The following ADAMTSL3 variants were observed in gnomAD, a reference collection of about 807,000 sequenced individuals.
ADAMTSL3 encodes the protein ADAMTS like 3.
In ADAMTSL3, 128 loss-of-function variants were observed where a neutral mutation model predicts 201.7. That is an observed-to-expected ratio of 0.63 (90% CI 0.55 to 0.73). The LOEUF is 0.73. ADAMTSL3 is among the 30% of genes least tolerant of loss of function. The pLI is 0.00. For missense variants in ADAMTSL3, 1,990 were observed against 2,119.6 expected, an observed-to-expected ratio of 0.94 and a Z score of 1.20; for synonymous variants, 738 against 748.4, an observed-to-expected ratio of 0.99 and a Z score of 0.23.
At chr15:83,670,866 T>C (rs568268428) in intron 2 of ADAMTSL3, among the ~76,000 whole-genome samples, 1 of 152,292 alleles carries the variant, frequency 6.6e-6, no homozygotes, top group Non-Finnish European at 1.5e-5. Context: ...TTGCCAATGG[T>C]GTGCAGATAC....
intron 4 of ADAMTSL3, among the ~76,000 whole-genome samples, chr15:83,787,288 A>G (rs2141814290): frequency 6.6e-6 from 1 of 152,286 alleles, no homozygotes; most frequent in South Asian, 2.1e-4. Flanking sequence ...GGTGGCATAG[A>G]TGGTGTAATT....
At chr15:84,021,299 T>C (rs1349532491) in intron 25 of ADAMTSL3, 111 bp from the exon 26 acceptor site, 1 of 1,132,214 alleles carries the variant, frequency 8.8e-7, no homozygotes, top group Non-Finnish European at 1.3e-6. Context: ...TCTCTCCATA[T>C]GCTACTTAAA....
chr15:83,913,302 T>C lies in ADAMTSL3; in HGVS notation c.1911T>C (p.Pro637=). The part of the protein sequence containing the change: ...ESPASRELDI[P]LPEDSETTYD... Reference sequence around the variant, plus strand: ...CGGCCTCCCGAGAGCTAGACATCCCTCTCCCTGAGGACAGTGAGACGACTT... The same window carrying C: ...CGGCCTCCCGAGAGCTAGACATCCCCCTCCCTGAGGACAGTGAGACGACTT... Residue 637 remains proline, a synonymous_variant, in exon 16 of 30, where the codon CCT becomes CCC. Coordinates refer to ENST00000286744, the MANE Select transcript of ADAMTSL3 (RefSeq NM_207517.3). The C allele has an allele frequency of 6.2e-7, 1 of 1,613,894 alleles. No individual in the cohort carries two copies. The highest frequency in any genetic ancestry group is 8.5e-7 in the Non-Finnish European group (1 of 1,180,002).
chr15:83,982,800 G>C lies in ADAMTSL3; in HGVS notation c.3172G>C (p.Ala1058Pro). The change falls in exon 21 of 30, where the codon GCT (alanine) becomes CCT (proline). Residue 1058 changes from alanine to proline, a missense_variant. Physicochemically the swap from Ala to Pro is conservative, Grantham distance 27. Transcript: ENST00000286744. ...CATTAGTAACCAGCCTTTCTTGAGAGCTCTGTTAGGCCACTGCAGCAATTC... is the reference window on the plus strand; with the variant it reads ...CATTAGTAACCAGCCTTTCTTGAGACCTCTGTTAGGCCACTGCAGCAATTC... ...DHISNQPFLR[A>P]LLGHCSNSAG... The C allele has an allele frequency of 6.2e-7, 1 of 1,614,108 alleles. No homozygotes were observed. The highest frequency in any genetic ancestry group is 8.5e-7 in the Non-Finnish European group (1 of 1,180,030).
chr15:83,816,751 A>G (rs2063778032), intron 5 of ADAMTSL3, among the ~76,000 whole-genome samples: 1 of 152,206 alleles, frequency 6.6e-6, no homozygotes, highest in Non-Finnish European at 1.5e-5. Flanking sequence ...CATGCCTGTA[A>G]TCCCAGCACT....
intron 19 of ADAMTSL3, among the ~76,000 whole-genome samples, chr15:83,954,546 T>C (rs998743866): frequency 2.0e-5 from 3 of 152,208 alleles, no homozygotes; most frequent in African/African-American, 7.2e-5. Context: ...GTTCATTTGG[T>C]GAAGTCATGT....
chr15:83,987,190 A>G (rs963184880), intron 21 of ADAMTSL3, among the ~76,000 whole-genome samples: 1 of 152,232 alleles, frequency 6.6e-6, no homozygotes, highest in Admixed American at 6.5e-5. Context: ...TCAGGATTTG[A>G]CACTGAAAAT....
At chr15:83,828,733 T>G (rs1335557956) in intron 6 of ADAMTSL3, among the ~76,000 whole-genome samples, 1 of 152,208 alleles carries the variant, frequency 6.6e-6, no homozygotes, top group Non-Finnish European at 1.5e-5. Context: ...GTTTTTAGCA[T>G]GAAGGTTGTT....
chr15:83,673,469 A>G (rs2061353808), intron 2 of ADAMTSL3, among the ~76,000 whole-genome samples: 1 of 152,094 alleles, frequency 6.6e-6, no homozygotes, highest in Non-Finnish European at 1.5e-5. Flanking sequence ...GTCTGTTGGC[A>G]TCATTGCTGG....
chr15:83,711,347 C>G (rs986567347), intron 3 of ADAMTSL3, among the ~76,000 whole-genome samples: 17 of 152,132 alleles, frequency 1.1e-4, no homozygotes, highest in African/African-American at 4.1e-4. Flanking sequence ...TCTGAAATTT[C>G]TGGTGAAAGA....
intron 3 of ADAMTSL3, among the ~76,000 whole-genome samples, chr15:83,759,491 C>T (rs1297770713): frequency 6.6e-6 from 1 of 152,196 alleles, no homozygotes; most frequent in East Asian, 1.9e-4. Context: ...TCCCAAAGTG[C>T]TGGAATTACA....
intron 4 of ADAMTSL3, among the ~76,000 whole-genome samples, chr15:83,798,821 A>C (rs1171598786): frequency 2.0e-5 from 3 of 151,104 alleles, no homozygotes; most frequent in Non-Finnish European, 4.4e-5. Context: ...AAAAAAAAAA[A>C]AAACAAAAAA....
chr15:83,966,110 A>G (rs576430268), intron 19 of ADAMTSL3, among the ~76,000 whole-genome samples: 71 of 152,328 alleles, frequency 4.7e-4, no homozygotes, highest in African/African-American at 1.6e-3. Flanking sequence ...CCCTAACATC[A>G]CAATTAAAAG....
Position 84,025,402 on chromosome 15 carries a change from G to C in ADAMTSL3, c.4622G>C (p.Gly1541Ala). Residue 1541 changes from glycine to alanine, a missense_variant, in exon 27 of 30, where the codon GGT becomes GCT. Transcript: ENST00000286744. The stretch of plus-strand genomic sequence containing the variant: ...CCTCTGGGAAGAAAACCATGTTTTG[G>C]TCATCCATGTGTTCAGTGGGAACCA... ...DRPLGRKPCF[G>A]HPCVQWEPGN... The C allele has an allele frequency of 6.2e-7, 1 of 1,614,000 alleles. No individual in the cohort carries two copies. The highest frequency in any genetic ancestry group is 8.5e-7 in the Non-Finnish European group (1 of 1,179,986).
chr15:83,680,688 A>C (rs1448103177), intron 2 of ADAMTSL3, among the ~76,000 whole-genome samples: 2 of 151,370 alleles, frequency 1.3e-5, no homozygotes, highest in African/African-American at 4.9e-5. Flanking sequence ...CCTAATTCTC[A>C]CACTGATCTG....
intron 3 of ADAMTSL3, among the ~76,000 whole-genome samples, chr15:83,707,345 A>G (rs2061867544): frequency 6.6e-6 from 1 of 152,220 alleles, no homozygotes; most frequent in South Asian, 2.1e-4. Flanking sequence ...TTGTTTGCAA[A>G]CACTCAATTC....
At chr15:83,891,077 C>T in intron 11 of ADAMTSL3, 1 of 392,146 alleles carries the variant, frequency 2.6e-6, no homozygotes, top group Non-Finnish European at 4.5e-6. Context: ...AGATACTTTT[C>T]TCCTTTGATT....
At chr15:83,911,604 G>C (rs1332419679) in intron 15 of ADAMTSL3, among the ~76,000 whole-genome samples, 1 of 152,174 alleles carries the variant, frequency 6.6e-6, no homozygotes, top group East Asian at 1.9e-4. Context: ...TAGAGAGAAG[G>C]GTTCCCCACT....
At chr15:83,756,971 C>T (rs866739509) in intron 3 of ADAMTSL3, among the ~76,000 whole-genome samples, 64 of 152,236 alleles carry the variant, frequency 4.2e-4, no homozygotes, top group African/African-American at 1.4e-3. Context: ...GGTGGGCTCC[C>T]ATGGCCTCGG....
Sources: allele counts gnomAD v4.1 joint callset (sites outside exome capture counted in the v4.1 genomes callset), GRCh38; gene constraint gnomAD v4.1.1; transcripts MANE v1.5; gene names NCBI Gene and HGNC (gene_info 2026-07-23, HGNC 2026-07-21).